MAPK8: variants seen among roughly 807,000 people sequenced by gnomAD.
MAPK8 encodes the protein mitogen-activated protein kinase 8.
Under a neutral mutation model 52.9 loss-of-function variants are expected in MAPK8, and 13 were observed. That is an observed-to-expected ratio of 0.25 (90% CI 0.16 to 0.39). The LOEUF is 0.39. Ranked by LOEUF, MAPK8 falls within the 10% of genes least tolerant of loss-of-function variation. The probability of loss-of-function intolerance (pLI) is 1.00; values close to 1 mark genes in which losing one functional copy is unlikely to be tolerated. For missense variants in MAPK8, 300 were observed against 519.2 expected (o/e 0.58, Z 4.10); for synonymous variants, 191 against 169.8 (o/e 1.12, Z -0.97).
chr10:48,329,134 C>T (rs764740603), intron 1 of MAPK8, among the ~76,000 whole-genome samples: 1 of 152,198 alleles, frequency 6.6e-6, no homozygotes, highest in African/African-American at 2.4e-5. Flanking sequence ...AGTTAAGTAA[C>T]TTGCGCAGGG....
At chr10:48,426,708 G>GT in intron 9 of MAPK8, 4 of 545,714 alleles carry the variant, frequency 7.3e-6, no homozygotes, top group Non-Finnish European at 1.2e-5. Context: ...ACCTCCCACT[G>GT]TTTTTTGCAA....
chr10:48,335,013 A>G (rs946306970), intron 1 of MAPK8, among the ~76,000 whole-genome samples: 11 of 152,120 alleles, frequency 7.2e-5, no homozygotes, highest in Non-Finnish European at 1.2e-4. Flanking sequence ...CGATTTTCCG[A>G]TAGCAAAACT....
At chr10:48,433,617 C>G (rs1349038853) in intron 11 of MAPK8, among the ~76,000 whole-genome samples, 1 of 152,184 alleles carries the variant, frequency 6.6e-6, no homozygotes, top group Non-Finnish European at 1.5e-5. Context: ...CATGCTTTGT[C>G]TCTTGTGGTT....
At chr10:48,390,650 T>C (rs2041571618) in intron 1 of MAPK8, among the ~76,000 whole-genome samples, 1 of 152,232 alleles carries the variant, frequency 6.6e-6, no homozygotes, top group South Asian at 2.1e-4. Context: ...AGCCATTTTA[T>C]GGACGGGGCG....
At chr10:48,384,577 A>C (rs747254816) in intron 1 of MAPK8, among the ~76,000 whole-genome samples, 2 of 152,244 alleles carry the variant, frequency 1.3e-5, no homozygotes, top group African/African-American at 4.8e-5. Flanking sequence ...TGGACTCAGC[A>C]TGGATAGCTC....
rs1191536645 is a variant in MAPK8 at position 48,438,800 on chromosome 10, CTG to C, written c.*3773_*3774del. ...TAAGAGACACGTGTAAAATCTTTGA[CTG>C]TATGTCTTGCAAAATTGTGCTCGTT... is the stretch of plus-strand genomic sequence containing the variant. On this transcript the variant is annotated 3_prime_UTR_variant, in exon 12 of 12. Transcript: ENST00000374189. 1.3e-5 allele frequency: 2 copies of C among 152,136 alleles called. No individual in the cohort carries two copies. Among genetic ancestry groups the C allele is most frequent in the African/African-American group, 2.4e-5 (1 of 41,436 alleles). 9.4% of individuals were successfully genotyped at this position (152,136 alleles called of 1,614,324 possible).
At chr10:48,361,688 C>G (rs1421027759) in intron 1 of MAPK8, among the ~76,000 whole-genome samples, 1 of 152,144 alleles carries the variant, frequency 6.6e-6, no homozygotes, top group African/African-American at 2.4e-5. Flanking sequence ...CCCTGATGAC[C>G]GTTGTGCATT....
chr10:48,391,705 G>T (rs549705701), intron 1 of MAPK8, among the ~76,000 whole-genome samples: 201 of 152,204 alleles, frequency 1.3e-3, no homozygotes, highest in Admixed American at 3.7e-3. Flanking sequence ...GAGATAGCAT[G>T]AGATCTCACA....
At chr10:48,352,178 A>G (rs1311095467) in intron 1 of MAPK8, among the ~76,000 whole-genome samples, 9 of 152,194 alleles carry the variant, frequency 5.9e-5, no homozygotes, top group Admixed American at 5.9e-4. Flanking sequence ...GAATGATTTC[A>G]TTGGAGAATT....
chr10:48,314,221 G>A (rs971114889), intron 1 of MAPK8, among the ~76,000 whole-genome samples: 4 of 152,022 alleles, frequency 2.6e-5, no homozygotes, highest in Admixed American at 6.6e-5. Flanking sequence ...ATAGGTGGCC[G>A]GCTTCTGGAT....
Position 48,346,895 on chromosome 10 carries a change from A to T in MAPK8, c.-50+40074A>T, listed in dbSNP as rs1174790199. 2.0e-5 allele frequency among the ~76,000 whole-genome samples: 3 copies of T among 152,126 alleles called. No individual in the cohort carries two copies. In the East Asian group the frequency reaches 5.8e-4, roughly 29 times the overall value. On this transcript the variant is annotated intron_variant, in intron 1 of 11. Coordinates refer to ENST00000374189, the MANE Select transcript of MAPK8 (RefSeq NM_001323329.2). ...CAGGGAAGGGCCCCCTGTCCAGTGG[A>T]CATGTGACCCACGTGACCTTACCTA...
intron 1 of MAPK8, among the ~76,000 whole-genome samples, chr10:48,355,470 C>G (rs1450684679): frequency 2.1e-5 from 3 of 144,134 alleles, no homozygotes; most frequent in Non-Finnish European, 4.5e-5. Context: ...GATTGCGCCA[C>G]TGCACTCCAG....
intron 1 of MAPK8, among the ~76,000 whole-genome samples, chr10:48,373,371 A>G (rs981405904): frequency 4.6e-5 from 7 of 151,986 alleles, no homozygotes; most frequent in African/African-American, 1.5e-4. Context: ...GACAGGATCA[A>G]TTTCACACAT....
chr10:48,370,574 A>G (rs1488275712), intron 1 of MAPK8, among the ~76,000 whole-genome samples: 1 of 152,180 alleles, frequency 6.6e-6, no homozygotes. Flanking sequence ...TCTTATGTGC[A>G]AAGAATAAGT....
chr10:48,340,845 A>G (rs1845184368), intron 1 of MAPK8, among the ~76,000 whole-genome samples: 1 of 152,208 alleles, frequency 6.6e-6, no homozygotes, highest in African/African-American at 2.4e-5. Flanking sequence ...ATACTGCCCT[A>G]CAAATTCTAG....
At chr10:48,408,335 C>T (rs1004351990) in intron 3 of MAPK8, among the ~76,000 whole-genome samples, 2 of 152,052 alleles carry the variant, frequency 1.3e-5, no homozygotes, top group Non-Finnish European at 2.9e-5. Flanking sequence ...TAACTGGGGA[C>T]AAAGTAGAGA....
chr10:48,307,288 C>G (rs1841466772), intron 1 of MAPK8: 1 of 152,288 alleles, frequency 6.6e-6, no homozygotes, highest in Non-Finnish European at 1.5e-5. Flanking sequence ...GCCCCGCGCC[C>G]ATAGGGACCG....
rs10715224 is a variant in MAPK8 at position 48,362,737 on chromosome 10, GTTTTTTT to G, written c.-49-38861_-49-38855del. ...ATTTGTGATTTCCAAAATTTTATTAGTTTTTTTTTTTTTTTTTTTTGAGATGGAGTTT... is the reference window on the plus strand; with the variant it reads ...ATTTGTGATTTCCAAAATTTTATTAGTTTTTTTTTTTTTGAGATGGAGTTT... On this transcript the variant is annotated intron_variant, in intron 1 of 11. Transcript: ENST00000374189. 5.7e-5 allele frequency among the ~76,000 whole-genome samples: 5 copies of G among 87,738 alleles called. No homozygotes were observed. The East Asian group carries it at 1.2e-3, about 22-fold the overall frequency. The allele number at this position is 87,738 out of a possible 152,430, so 57.6% of individuals were successfully genotyped here. A position where few individuals can be genotyped will look rare whatever the true frequency, so the allele number is the denominator to read the frequency against.
chr10:48,408,678 A>G (rs534508178), intron 3 of MAPK8, among the ~76,000 whole-genome samples: 2 of 152,330 alleles, frequency 1.3e-5, no homozygotes, highest in East Asian at 1.9e-4. Context: ...TAGGCAGTAA[A>G]TGGTAGCTGG....
Sources: gnomAD v4.1 joint callset for allele counts (sites outside exome capture counted in the v4.1 genomes callset) on GRCh38, gnomAD v4.1.1 for gene constraint, MANE v1.5 for transcripts, NCBI Gene and HGNC (gene_info 2026-07-23, HGNC 2026-07-21) for gene names.